The following LEKR1 variants were observed in gnomAD, a reference collection of about 807,000 sequenced individuals.
LEKR1 encodes protein LEKR1.
LEKR1 carries 59 observed loss-of-function variants against 72.4 expected under a neutral mutation model. The observed-to-expected ratio is 0.82, with a 90% confidence interval of 0.66 to 1.01. LEKR1 has a LOEUF of 1.01. LEKR1 is among the 50% of genes least tolerant of loss of function. LEKR1 has a pLI of 0.00. For missense variants in LEKR1, 728 were observed against 759.2 expected (o/e 0.96, Z 0.48); for synonymous variants, 257 against 263.2 (o/e 0.98, Z 0.23).
intron 3 of LEKR1, among the ~76,000 whole-genome samples, chr3:156,853,564 T>A (rs1394393013): frequency 1.3e-5 from 2 of 152,134 alleles, no homozygotes; most frequent in Admixed American, 6.5e-5. Flanking sequence ...AATGAAAATT[T>A]CTTGATTTAA....
intron 6 of LEKR1, among the ~76,000 whole-genome samples, chr3:156,967,556 A>G (rs1002600310): frequency 6.6e-5 from 10 of 152,198 alleles, no homozygotes; most frequent in African/African-American, 2.2e-4. Context: ...GAAATGAAGC[A>G]AGAAGAGAAG....
chr3:156,831,125 GGGAGCTGCTGATTGATTGGGGA>G (rs1361674539), intron 2 of LEKR1, among the ~76,000 whole-genome samples: 2 of 152,156 alleles, frequency 1.3e-5, no homozygotes, highest in Non-Finnish European at 2.9e-5. Flanking sequence ...GCTAGGGTAT[GGGAGCTGCTGATTGATTGGGGA>G]TGCAGTCATA....
chr3:156,991,211 T>C (rs1226661215), intron 7 of LEKR1, among the ~76,000 whole-genome samples: 2 of 152,102 alleles, frequency 1.3e-5, no homozygotes, highest in Non-Finnish European at 2.9e-5. Flanking sequence ...GAGTTGGCTA[T>C]GATTGGAACC....
At chr3:157,029,747 A>T (rs990779417) in intron 12 of LEKR1, among the ~76,000 whole-genome samples, 1 of 152,162 alleles carries the variant, frequency 6.6e-6, no homozygotes, top group African/African-American at 2.4e-5. Flanking sequence ...GAGAGAAGTG[A>T]TGCTGATTTG....
At chr3:156,947,261 C>A (rs1726769547) in intron 6 of LEKR1, among the ~76,000 whole-genome samples, 1 of 151,050 alleles carries the variant, frequency 6.6e-6, no homozygotes, top group Admixed American at 6.6e-5. Context: ...TCTTGTACTG[C>A]TTTTGCTGGA....
chr3:156,895,946 A>G (rs1576764869), intron 3 of LEKR1, among the ~76,000 whole-genome samples: 1 of 152,196 alleles, frequency 6.6e-6, no homozygotes, highest in Non-Finnish European at 1.5e-5. Flanking sequence ...TAGCAAAGAT[A>G]TGGAATCAAC....
At chr3:156,980,235 G>A (rs1730069704) in intron 7 of LEKR1, among the ~76,000 whole-genome samples, 1 of 152,056 alleles carries the variant, frequency 6.6e-6, no homozygotes, top group South Asian at 2.1e-4. Context: ...GCAACCAAAT[G>A]TTTGTGTTGA....
chr3:156,924,224 C>T (rs1415621045), intron 4 of LEKR1, among the ~76,000 whole-genome samples: 1 of 152,142 alleles, frequency 6.6e-6, no homozygotes, highest in Non-Finnish European at 1.5e-5. Context: ...TCCCAAGTTA[C>T]TAATGATGTT....
At chr3:156,896,184 C>T (rs1453419287) in intron 3 of LEKR1, among the ~76,000 whole-genome samples, 1 of 152,046 alleles carries the variant, frequency 6.6e-6, no homozygotes, top group Non-Finnish European at 1.5e-5. Flanking sequence ...AAAGAACACA[C>T]ACTGGGGCCT....
At chr3:157,024,684 A>G in intron 10 of LEKR1, 76 bp from the exon 11 acceptor site, 15 of 1,038,476 alleles carry the variant, frequency 1.4e-5, no homozygotes, top group East Asian at 2.6e-5. Context: ...TTTAAAACTT[A>G]GAGTTTGAAA....
chr3:156,930,296 A>G (rs1346307428), intron 5 of LEKR1, among the ~76,000 whole-genome samples: 2 of 152,200 alleles, frequency 1.3e-5, no homozygotes, highest in South Asian at 2.1e-4. Flanking sequence ...AAAATGCACC[A>G]TAAGTGACAA....
intron 12 of LEKR1, among the ~76,000 whole-genome samples, chr3:157,032,987 T>C (rs1449074192): frequency 1.3e-5 from 2 of 152,188 alleles, no homozygotes; most frequent in African/African-American, 4.8e-5. Flanking sequence ...ACAAAACCAG[T>C]GATCTTTGAT....
chr3:156,885,343 G>A (rs773410503), intron 3 of LEKR1, among the ~76,000 whole-genome samples: 12 of 152,134 alleles, frequency 7.9e-5, no homozygotes, highest in Non-Finnish European at 2.9e-5. Context: ...ATCTTTTGGG[G>A]ATGTTATCAA....
chr3:157,036,272 G>GA (rs545877919), intron 12 of LEKR1, among the ~76,000 whole-genome samples: 1 of 151,704 alleles, frequency 6.6e-6, no homozygotes, highest in Non-Finnish European at 1.5e-5. Flanking sequence ...AAAAGAACAA[G>GA]AGTGAATATT....
intron 2 of LEKR1, among the ~76,000 whole-genome samples, chr3:156,847,887 C>T (rs1714825409): frequency 6.6e-6 from 1 of 152,182 alleles, no homozygotes; most frequent in Admixed American, 6.5e-5. Context: ...ACATAAAATA[C>T]ATTTCAGCCT....
intron 3 of LEKR1, among the ~76,000 whole-genome samples, chr3:156,860,691 C>A (rs1716663894): frequency 6.6e-6 from 1 of 152,150 alleles, no homozygotes; most frequent in Non-Finnish European, 1.5e-5. Context: ...GCTAAACCTA[C>A]CTACCTCCAA....
At chr3:156,949,004 G>T (rs1457435311) in intron 6 of LEKR1, among the ~76,000 whole-genome samples, 1 of 151,142 alleles carries the variant, frequency 6.6e-6, no homozygotes, top group Non-Finnish European at 1.5e-5. Flanking sequence ...CTTTTTAATG[G>T]GCTTGTTTGG....
chr3:156,943,176 C>T (rs1440047954), intron 6 of LEKR1, among the ~76,000 whole-genome samples: 3 of 151,830 alleles, frequency 2.0e-5, no homozygotes, highest in African/African-American at 7.3e-5. Context: ...TTGTAATTTT[C>T]CCTGAAGATA....
At chr3:156,880,355 G>C (rs1387486279) in intron 3 of LEKR1, among the ~76,000 whole-genome samples, 1 of 152,178 alleles carries the variant, frequency 6.6e-6, no homozygotes, top group Non-Finnish European at 1.5e-5. Flanking sequence ...ACTACCATCA[G>C]AGAATACTAC....
Sources: gnomAD v4.1 joint callset for allele counts (sites outside exome capture counted in the v4.1 genomes callset) on GRCh38, gnomAD v4.1.1 for gene constraint, MANE v1.5 for transcripts, NCBI Gene and HGNC (gene_info 2026-07-23, HGNC 2026-07-21) for gene names.